Variants in TMTC2 observed in about 807,000 individuals in gnomAD.
TMTC2 encodes protein O-mannosyl-transferase TMTC2.
TMTC2 carries 43 observed loss-of-function variants against 82.4 expected under a neutral mutation model. The ratio of observed to expected loss-of-function variants is 0.52; its 90% CI spans 0.41 to 0.67. The LOEUF (loss-of-function observed/expected upper bound fraction) is 0.67, where lower values mean the gene tolerates loss of function less well. TMTC2 is among the 30% of genes least tolerant of loss of function. TMTC2 has a pLI of 0.00. For synonymous variants in TMTC2, 408 were observed against 381.9 expected, an observed-to-expected ratio of 1.07 and a Z score of -0.80; for missense variants, 919 against 1,012.4, an observed-to-expected ratio of 0.91 and a Z score of 1.25.
intron 11 of TMTC2, among the ~76,000 whole-genome samples, chr12:83,107,851 T>C (rs1350995786): frequency 6.6e-6 from 1 of 152,166 alleles, no homozygotes; most frequent in Non-Finnish European, 1.5e-5. Context: ...ATAATTTGGA[T>C]TGGTGTCCCT....
At chr12:82,807,922 G>A (rs146047366) in intron 1 of TMTC2, among the ~76,000 whole-genome samples, 37 of 152,078 alleles carry the variant, frequency 2.4e-4, no homozygotes, top group Admixed American at 1.5e-3. Context: ...ATTTATATTT[G>A]TAGCTACCTA....
chr12:82,920,373 C>T (rs763989312), intron 3 of TMTC2, among the ~76,000 whole-genome samples: 1 of 152,102 alleles, frequency 6.6e-6, no homozygotes, highest in African/African-American at 2.4e-5. Flanking sequence ...TTTATTGTAG[C>T]AGATCACAGC....
chr12:83,033,104 G>A (rs181170116), intron 9 of TMTC2, among the ~76,000 whole-genome samples: 8 of 151,362 alleles, frequency 5.3e-5, no homozygotes, highest in Non-Finnish European at 1.0e-4. Context: ...TCCTACTTTG[G>A]AGTTGGTAAT....
chr12:83,005,596 T>C (rs1880165642), intron 8 of TMTC2, among the ~76,000 whole-genome samples: 1 of 152,160 alleles, frequency 6.6e-6, no homozygotes, highest in Non-Finnish European at 1.5e-5. Context: ...AGCTCTGCAT[T>C]CTGGATCTAC....
intron 11 of TMTC2, among the ~76,000 whole-genome samples, chr12:83,065,475 T>A (rs951680116): frequency 2.6e-5 from 4 of 151,908 alleles, no homozygotes; most frequent in African/African-American, 9.7e-5. Flanking sequence ...GTTAGAGAAG[T>A]CTATTTATTA....
intron 1 of TMTC2, among the ~76,000 whole-genome samples, chr12:82,795,599 A>G (rs1219104845): frequency 6.6e-6 from 1 of 152,038 alleles, no homozygotes; most frequent in African/African-American, 2.4e-5. Flanking sequence ...CTTAAGAGGT[A>G]ATTAGGCCAT....
intron 1 of TMTC2, among the ~76,000 whole-genome samples, chr12:82,842,763 T>G (rs1006668022): frequency 6.6e-6 from 1 of 152,214 alleles, no homozygotes; most frequent in Non-Finnish European, 1.5e-5. Flanking sequence ...GGCCACATTC[T>G]TGCTGTGTCC....
intron 8 of TMTC2, among the ~76,000 whole-genome samples, chr12:82,992,366 T>C (rs1393248114): frequency 1.3e-5 from 2 of 152,224 alleles, no homozygotes; most frequent in African/African-American, 4.8e-5. Context: ...TTATAATTAC[T>C]GCACAGACAT....
At chr12:82,902,783 G>A (rs560042642) in intron 3 of TMTC2, among the ~76,000 whole-genome samples, 2 of 152,232 alleles carry the variant, frequency 1.3e-5, no homozygotes, top group South Asian at 4.2e-4. Context: ...TTGGGTGATA[G>A]GTTCAGTTGT....
rs1885353710 is a variant in TMTC2 at position 83,134,027 on chromosome 12, G to A, written c.*1638G>A. 6.6e-6 allele frequency: 1 copy of A among 152,532 alleles called. No individual in the cohort carries two copies. The highest frequency in any genetic ancestry group is 2.1e-4 in the South Asian group (1 of 4,832). The allele number at this position is 152,532 out of a possible 1,614,324, so 9.4% of individuals were successfully genotyped here. On this transcript the variant is annotated 3_prime_UTR_variant, in exon 12 of 12. Coordinates refer to ENST00000321196, the MANE Select transcript of TMTC2 (RefSeq NM_152588.3). ...TTTTCTATGTATCTGAATACAGTGG[G>A]ATAAATAATTGAAAGTAGTGTTCCT...
chr12:82,962,119 G>A (rs1040738926), intron 4 of TMTC2, among the ~76,000 whole-genome samples: 1 of 151,948 alleles, frequency 6.6e-6, no homozygotes, highest in Non-Finnish European at 1.5e-5. Flanking sequence ...TCCTAGTGTG[G>A]TTATTATACT....
At chr12:82,958,265 G>T (rs1454305179) in intron 4 of TMTC2, among the ~76,000 whole-genome samples, 1 of 148,948 alleles carries the variant, frequency 6.7e-6, no homozygotes, top group African/African-American at 2.5e-5. Flanking sequence ...TGAGGCAGGA[G>T]AATCGCTTGA....
intron 2 of TMTC2, among the ~76,000 whole-genome samples, chr12:82,875,535 T>G (rs996025895): frequency 6.6e-6 from 1 of 152,150 alleles, no homozygotes; most frequent in African/African-American, 2.4e-5. Context: ...GATCCCACTT[T>G]GTGTCAGTGA....
At chr12:82,840,357 A>G (rs1378765992) in intron 1 of TMTC2, among the ~76,000 whole-genome samples, 1 of 152,202 alleles carries the variant, frequency 6.6e-6, no homozygotes, top group Non-Finnish European at 1.5e-5. Flanking sequence ...TGCTTCAGAT[A>G]AGAGATGAAT....
At chr12:82,818,034 G>A (rs1185722594) in intron 1 of TMTC2, among the ~76,000 whole-genome samples, 1 of 152,032 alleles carries the variant, frequency 6.6e-6, no homozygotes, top group African/African-American at 2.4e-5. Flanking sequence ...ATTTTAAGAT[G>A]GGAGTAAAAT....
At position 82,861,054 on chromosome 12, in the gene TMTC2, C is replaced by G. The variant is rs142025365; in HGVS notation, c.654+3474C>G. On this transcript the variant is annotated intron_variant, in intron 2 of 11. Transcript: ENST00000321196. ...ATCTTAAATATCTTGCCAATTAACT[C>G]TGCATCCTAGTTATCATGGTTTGCC... Among the ~76,000 whole-genome samples, 43 of 152,350 alleles carry G rather than the reference C, an allele frequency of 2.8e-4. 1 individual carries two copies. Among genetic ancestry groups the G allele is most frequent in the African/African-American group, 1.0e-3 (43 of 41,580 alleles).
intron 1 of TMTC2, among the ~76,000 whole-genome samples, chr12:82,818,248 A>C (rs1416191485): frequency 6.6e-6 from 1 of 152,096 alleles, no homozygotes; most frequent in Non-Finnish European, 1.5e-5. Flanking sequence ...AGAATTCCAA[A>C]TACTTCCAGA....
At chr12:82,862,173 AC>A (rs556173713) in intron 2 of TMTC2, among the ~76,000 whole-genome samples, 163 of 152,324 alleles carry the variant, frequency 1.1e-3, no homozygotes, top group African/African-American at 3.5e-3. Flanking sequence ...CCCTTGAAAT[AC>A]ACTTAGCCTT....
intron 11 of TMTC2, among the ~76,000 whole-genome samples, chr12:83,121,664 T>G (rs1263422419): frequency 1.3e-5 from 2 of 151,972 alleles, no homozygotes; most frequent in African/African-American, 4.8e-5. Flanking sequence ...CCAGAGAGCA[T>G]AAGCTGTGGT....
Sources: gnomAD v4.1 joint callset for allele counts (sites outside exome capture counted in the v4.1 genomes callset) on GRCh38, gnomAD v4.1.1 for gene constraint, MANE v1.5 for transcripts, NCBI Gene and HGNC (gene_info 2026-07-23, HGNC 2026-07-21) for gene names.